The following ATP11C variants were observed in gnomAD, a reference collection of about 807,000 sequenced individuals.
ATP11C encodes ATPase phospholipid transporting 11C (ATP11C blood group).
Under a neutral mutation model 97.4 loss-of-function variants are expected in ATP11C, and 36 were observed. The observed-to-expected ratio is 0.37, with a 90% CI of 0.28 to 0.49. ATP11C has a LOEUF of 0.49. Among genes scored for constraint, ATP11C ranks in the 20% least tolerant of loss-of-function variants. The pLI is 0.98. For missense variants in ATP11C, 730 were observed against 824.6 expected, an observed-to-expected ratio of 0.89 and a Z score of 1.40; for synonymous variants, 275 against 290.9, an observed-to-expected ratio of 0.95 and a Z score of 0.56.
In ATP11C at chrX:139,728,982, C is replaced by A; in HGVS notation, c.*4-20G>T. On this transcript the variant is annotated intron_variant, in intron 29 of 29. Coordinates refer to ENST00000682941, the MANE Select transcript of ATP11C (RefSeq NM_001353812.2). ...CGGATTCTGAAAAATGTAAAATATA[C>A]AGATTTAAAAGGCTTATTTTAATAA... The A allele has an allele frequency of 8.9e-7, 1 of 1,128,091 alleles. No homozygotes were observed. The highest frequency in any genetic ancestry group is 3.0e-5 in the East Asian group (1 of 33,245). 93.0% of individuals were successfully genotyped at this position (1,128,091 alleles called of 1,213,427 possible).
chrX:139,778,510 T>C (rs989062325), intron 18 of ATP11C, among the ~76,000 whole-genome samples: 8 of 111,586 alleles, frequency 7.2e-5, no homozygotes, highest in African/African-American at 2.0e-4. Context: ...TTAAAAGACA[T>C]AGATTGCCGC....
chrX:139,843,839 T>C (rs771086587), intron 1 of ATP11C, among the ~76,000 whole-genome samples: 21 of 109,800 alleles, frequency 1.9e-4, no homozygotes, highest in African/African-American at 6.7e-4. Context: ...TGAAAAAAAA[T>C]TGTTAGTTGT....
At chrX:139,732,412 G>A in intron 28 of ATP11C, 1 of 345,040 alleles carries the variant, frequency 2.9e-6, no homozygotes, top group Non-Finnish European at 5.6e-6. Context: ...CAAGCAAGTT[G>A]GTACATTAAG....
At chrX:139,854,860 G>C (rs1351274990) in intron 1 of ATP11C, among the ~76,000 whole-genome samples, 1 of 112,051 alleles carries the variant, frequency 8.9e-6, no homozygotes, top group Non-Finnish European at 1.9e-5. Flanking sequence ...GAAACTGTAT[G>C]CAAACATATT....
At chrX:139,817,486 G>A (rs1257032292) in intron 3 of ATP11C, among the ~76,000 whole-genome samples, 1 of 112,795 alleles carries the variant, frequency 8.9e-6, no homozygotes, top group Non-Finnish European at 1.9e-5. Flanking sequence ...TGGAGAGGGA[G>A]GCAGGAGCCA....
At chrX:139,803,007 G>T (rs760337703) in intron 6 of ATP11C, among the ~76,000 whole-genome samples, 4 of 111,775 alleles carry the variant, frequency 3.6e-5, no homozygotes, top group Non-Finnish European at 7.5e-5. Flanking sequence ...TCAAACAAGG[G>T]TTAAAGCAGA....
At chrX:139,877,656 C>T (rs2084495974) in intron 1 of ATP11C, among the ~76,000 whole-genome samples, 2 of 112,089 alleles carry the variant, frequency 1.8e-5, no homozygotes, top group African/African-American at 6.5e-5. Context: ...AGCTGTGCTC[C>T]ACAGATGCTT....
At chrX:139,875,876 A>G (rs889617615) in intron 1 of ATP11C, among the ~76,000 whole-genome samples, 1 of 112,151 alleles carries the variant, frequency 8.9e-6, no homozygotes, top group Non-Finnish European at 1.9e-5. Flanking sequence ...TCTTAGGAGT[A>G]GAGCAGGATA....
chrX:139,727,157 T>C lies in ATP11C; in HGVS notation c.*1809A>G, dbSNP rs1410509570. Reference sequence around the variant, plus strand: ...CTGCATTAAACAAGCCTCTCTACTGTGGCTCTCTTGTCTGTATTCACAGTT... The same window carrying C: ...CTGCATTAAACAAGCCTCTCTACTGCGGCTCTCTTGTCTGTATTCACAGTT... On this transcript the variant is annotated 3_prime_UTR_variant, in exon 30 of 30. Coordinates refer to ENST00000682941, the MANE Select transcript of ATP11C (RefSeq NM_001353812.2). 8.9e-6 allele frequency: 1 copy of C among 112,446 alleles called. No individual in the cohort carries two copies. The highest frequency in any genetic ancestry group is 1.9e-5 in the Non-Finnish European group (1 of 53,211). 9.3% of individuals were successfully genotyped at this position (112,446 alleles called of 1,213,427 possible).
At chrX:139,772,508 C>T (rs774483513) in intron 19 of ATP11C, among the ~76,000 whole-genome samples, 6 of 111,490 alleles carry the variant, frequency 5.4e-5, no homozygotes, top group East Asian at 5.7e-4. Flanking sequence ...CTGGAAAAGC[C>T]GCAGACACTC....
chrX:139,842,733 C>CCT (rs1185563525), intron 1 of ATP11C, among the ~76,000 whole-genome samples: 1 of 112,013 alleles, frequency 8.9e-6, no homozygotes, highest in Admixed American at 9.5e-5. Context: ...GTAATTTTGG[C>CCT]CTCTTGTGAT....
intron 1 of ATP11C, among the ~76,000 whole-genome samples, chrX:139,869,719 G>A (rs1348183818): frequency 9.4e-6 from 1 of 106,708 alleles, no homozygotes; most frequent in Non-Finnish European, 1.9e-5. Flanking sequence ...GCTTGAACCT[G>A]GGAGGTGGAG....
intron 1 of ATP11C, among the ~76,000 whole-genome samples, chrX:139,905,326 G>T (rs961579623): frequency 8.9e-6 from 1 of 112,080 alleles, no homozygotes; most frequent in African/African-American, 3.2e-5. Flanking sequence ...TATATATTAA[G>T]CTCGTAGGTA....
chrX:139,878,985 C>T (rs2084520993), intron 1 of ATP11C, among the ~76,000 whole-genome samples: 1 of 111,236 alleles, frequency 9.0e-6, no homozygotes, highest in South Asian at 3.9e-4. Context: ...GTAGCGTACA[C>T]TTGTAGTCCC....
intron 1 of ATP11C, among the ~76,000 whole-genome samples, chrX:139,847,340 G>A (rs904047463): frequency 1.8e-5 from 2 of 111,009 alleles, no homozygotes; most frequent in African/African-American, 3.3e-5. Flanking sequence ...TCAAGATCAC[G>A]CCACTGCACT....
At chrX:139,788,674 G>A (rs1388399092) in intron 13 of ATP11C, among the ~76,000 whole-genome samples, 1 of 111,386 alleles carries the variant, frequency 9.0e-6, no homozygotes, top group Non-Finnish European at 1.9e-5. Context: ...TCAAGTGTAG[G>A]GAGACTCTGG....
chrX:139,859,527 C>T (rs907565394), intron 1 of ATP11C, among the ~76,000 whole-genome samples: 1 of 111,735 alleles, frequency 8.9e-6, no homozygotes, highest in Admixed American at 9.5e-5. Context: ...TAGATTTACC[C>T]ATGTGTTATG....
intron 19 of ATP11C, among the ~76,000 whole-genome samples, chrX:139,772,556 ACC>A (rs775137052): frequency 8.9e-6 from 1 of 111,783 alleles, no homozygotes; most frequent in Non-Finnish European, 1.9e-5. Context: ...GGGAGACTAT[ACC>A]CTGCAAGGCC....
chrX:139,782,779 A>G (rs371063223), intron 17 of ATP11C, 51 bp from the exon 18 acceptor site: 1 of 918,462 alleles, frequency 1.1e-6, no homozygotes, highest in South Asian at 2.3e-5. Context: ...GTTGGAAAAA[A>G]AAAAAAACAC....
Sources: gnomAD v4.1 joint callset for allele counts (sites outside exome capture counted in the v4.1 genomes callset) on GRCh38, gnomAD v4.1.1 for gene constraint, MANE v1.5 for transcripts, NCBI Gene and HGNC (gene_info 2026-07-23, HGNC 2026-07-21) for gene names.